PLA2G6: variants seen among roughly 807,000 people sequenced by gnomAD.
PLA2G6 encodes 85/88 kDa calcium-independent phospholipase A2.
In PLA2G6, 62 loss-of-function variants were observed where a neutral mutation model predicts 83.8. The observed-to-expected ratio is 0.74, with a 90% CI of 0.60 to 0.91. PLA2G6 has a LOEUF of 0.91. PLA2G6 is among the 40% of genes least tolerant of loss of function. The pLI is 0.00. For synonymous variants in PLA2G6, 417 were observed against 449.8 expected (o/e 0.93, Z 0.92); for missense variants, 944 against 1,102.0 (o/e 0.86, Z 2.03).
chr22:38,134,612 C>A (rs1311104459), intron 6 of PLA2G6: 3 of 239,654 alleles, frequency 1.3e-5, no homozygotes, highest in African/African-American at 4.5e-5. Context: ...ATATATATAT[C>A]TCCTGTTAGT....
At chr22:38,169,844 C>A (rs924852327) in intron 1 of PLA2G6, among the ~76,000 whole-genome samples, 2 of 152,128 alleles carry the variant, frequency 1.3e-5, no homozygotes, top group Non-Finnish European at 2.9e-5. Flanking sequence ...GCAGTAATGC[C>A]CTGGGCAAAT....
rs564845293 is a variant in PLA2G6, at chr22:38,129,661, G to A, written c.1078-99C>T. 5.1e-5 allele frequency: 43 copies of A among 848,560 alleles called. 1 individual carries two copies. In the East Asian group the frequency reaches 7.0e-4, roughly 14 times the overall value. 52.6% of individuals were successfully genotyped at this position (848,560 alleles called of 1,614,324 possible). A position where few individuals can be genotyped will look rare whatever the true frequency, so the allele number is the denominator to read the frequency against. On this transcript the variant is annotated intron_variant, in intron 7 of 16. Coordinates refer to ENST00000332509, the MANE Select transcript of PLA2G6 (RefSeq NM_003560.4). ...GCCCCAACCTGTCAACTCACCCAGCGGGCCTCTCCTCAGCACGGGGAGACA... is the reference window on the plus strand; with the variant it reads ...GCCCCAACCTGTCAACTCACCCAGCAGGCCTCTCCTCAGCACGGGGAGACA...
chr22:38,135,001 G>A lies in PLA2G6; in HGVS notation c.881C>T (p.Ala294Val). Residue 294 changes from alanine (A) to valine (V), a missense_variant, in exon 6 of 17, where the codon GCC (alanine) becomes GTC (valine). Transcript: ENST00000332509. ...PRYGASPLHW[A>V]KNAEMARMLL... The stretch of plus-strand genomic sequence containing the variant: ...GGATCCACTCACCTCTGCGTTCTTG[G>A]CCCAGTGGAGGGGGCTGGCTCCGTA... 3 of 1,604,342 alleles carry A rather than the reference G, an allele frequency of 1.9e-6. No individual in the cohort carries two copies. The highest frequency in any genetic ancestry group is 2.6e-6 in the Non-Finnish European group (3 of 1,171,938).
chr22:38,151,862 C>T (rs888973134), intron 2 of PLA2G6, among the ~76,000 whole-genome samples: 35 of 152,110 alleles, frequency 2.3e-4, no homozygotes, highest in African/African-American at 7.7e-4. Context: ...GACTTTGCCC[C>T]GCTTGTTGTT....
chr22:38,131,725 C>A, intron 7 of PLA2G6: 1 of 159,174 alleles, frequency 6.3e-6, no homozygotes, highest in Admixed American at 6.1e-5. Flanking sequence ...TTTTAGAGTC[C>A]CGGGGGTCTC....
chr22:38,155,294 C>T (rs2089733591), intron 2 of PLA2G6, among the ~76,000 whole-genome samples: 2 of 150,676 alleles, frequency 1.3e-5, no homozygotes, highest in East Asian at 3.9e-4. Context: ...CTGCTAAATG[C>T]TAAAGGGAGT....
At chr22:38,163,401 C>T (rs565597043) in intron 2 of PLA2G6, 64 of 169,480 alleles carry the variant, frequency 3.8e-4, no homozygotes, top group African/African-American at 1.4e-3. Context: ...TCTAGCCACT[C>T]GGCAGATATT....
At position 38,128,394 on chromosome 22, in the gene PLA2G6, G is replaced by T. The variant is rs1358188064; in HGVS notation, c.1223C>A (p.Thr408Asn). The change falls in exon 9 of 17, where the codon ACC becomes AAC. Residue 408 changes from threonine to asparagine, a missense_variant. Coordinates refer to ENST00000332509, the MANE Select transcript of PLA2G6 (RefSeq NM_003560.4). The surrounding 1 kb of genome is among the most constrained non-coding windows in gnomAD (Gnocchi z 4.4). ...TGGGAAGCAGTATTCGGCCCCCACGGTTCTCAGCAGAGTCAAGATCGCCTT... is the reference window on the plus strand; with the variant it reads ...TGGGAAGCAGTATTCGGCCCCCACGTTTCTCAGCAGAGTCAAGATCGCCTT... ...TRKAILTLLR[T>N]VGAEYCFPPI... The T allele has an allele frequency of 1.2e-6, 2 of 1,614,110 alleles. No individual in the cohort carries two copies. The highest frequency in any genetic ancestry group is 2.2e-5 in the South Asian group (2 of 91,074).
chr22:38,176,188 A>G (rs2090624606), intron 1 of PLA2G6, among the ~76,000 whole-genome samples: 1 of 152,164 alleles, frequency 6.6e-6, no homozygotes, highest in Admixed American at 6.5e-5. Flanking sequence ...TTCGGTCTGG[A>G]AAGTTCAGCT....
Position 38,169,446 on chromosome 22 carries a change from G to A in PLA2G6, c.-20C>T, listed in dbSNP as rs191263821. On this transcript the variant is annotated 5_prime_UTR_variant, in exon 2 of 17. Transcript: ENST00000332509. Reference sequence around the variant, plus strand: ...CTGCATCTTCTGCGGGGCAGGTGGGGAGGCCCCACCGTCTTCCCCCTCTGT... The same window carrying A: ...CTGCATCTTCTGCGGGGCAGGTGGGAAGGCCCCACCGTCTTCCCCCTCTGT... The A allele has an allele frequency of 6.2e-7, 1 of 1,608,390 alleles. No homozygotes were observed. The highest frequency in any genetic ancestry group is 8.5e-7 in the Non-Finnish European group (1 of 1,175,414).
intron 1 of PLA2G6, among the ~76,000 whole-genome samples, chr22:38,177,666 G>A (rs2090690272): frequency 2.0e-5 from 3 of 152,022 alleles, no homozygotes; most frequent in Admixed American, 2.0e-4. Context: ...GTTTCACCAT[G>A]TTAACCAGGC....
intron 5 of PLA2G6, chr22:38,136,790 T>C: frequency 6.8e-6 from 1 of 147,990 alleles, no homozygotes; most frequent in East Asian, 2.0e-4. Flanking sequence ...CCCACATGGG[T>C]TTAATTCCCA....
rs1388418006 is a variant in PLA2G6, at chr22:38,145,478, G to C, written c.385C>G (p.Leu129Val). The C allele has an allele frequency of 2.5e-6, 4 of 1,611,928 alleles. No homozygotes were observed. In the African/African-American group the frequency reaches 5.3e-5, roughly 22 times the overall value. Residue 129 changes from leucine (L) to valine (V), a missense_variant, in exon 3 of 17, where the codon CTA becomes GTA. By Grantham distance (32) the Leu-to-Val change is conservative (BLOSUM62 1). Transcript: ENST00000332509. ...SWSVAHLAVE[L>V]GIRECFHHSR... ...TGATGGAAGCACTCGCGGATCCCTA[G>C]CTCCACAGCCAGGTGGGCCACTGAC...
chr22:38,146,874 G>A (rs538728058), intron 2 of PLA2G6: 2 of 150,204 alleles, frequency 1.3e-5, no homozygotes, highest in African/African-American at 2.5e-5. Flanking sequence ...CCATCTCCCA[G>A]GTTCAAGTGA....
chr22:38,145,107 T>C, intron 3 of PLA2G6: 1 of 351,494 alleles, frequency 2.8e-6, no homozygotes, highest in South Asian at 2.2e-5. Flanking sequence ...AGTGGTGCAA[T>C]CATAGCTCAC....
intron 15 of PLA2G6, chr22:38,112,914 T>C: frequency 4.3e-6 from 2 of 469,134 alleles, no homozygotes. Flanking sequence ...TCTCTTTCTT[T>C]CTTTCTTTTT....
Position 38,132,642 on chromosome 22 carries a change from G to T in PLA2G6, c.1077+189C>A. The T allele has an allele frequency of 6.6e-6, 4 of 607,224 alleles. No individual in the cohort carries two copies. The South Asian group carries it at 7.8e-5, about 12-fold the overall frequency. 37.6% of individuals were successfully genotyped at this position (607,224 alleles called of 1,614,324 possible). On this transcript the variant is annotated intron_variant, in intron 7 of 16. Transcript: ENST00000332509. The surrounding 1 kb of genome is among the most constrained non-coding windows in gnomAD (Gnocchi z 5.0). ...AGCACACAGGAGGTGGTGTTATTTT[G>T]GGCTGAGAGGGGGACTTGGAAGGCT...
At chr22:38,145,380 A>C in intron 3 of PLA2G6, 58 bp downstream of exon 3, 1 of 1,402,620 alleles carries the variant, frequency 7.1e-7, no homozygotes, top group Non-Finnish European at 9.9e-7. Context: ...TGCGGCCCCC[A>C]CTGCCCACAC....
intron 2 of PLA2G6, among the ~76,000 whole-genome samples, chr22:38,161,149 C>T (rs2089992734): frequency 6.6e-6 from 1 of 151,966 alleles, no homozygotes; most frequent in East Asian, 1.9e-4. Context: ...AAAAAAATAA[C>T]CCATTGTATA....
Sources: allele counts gnomAD v4.1 joint callset (sites outside exome capture counted in the v4.1 genomes callset), GRCh38; gene constraint gnomAD v4.1.1; non-coding constraint Gnocchi (gnomAD v3.1); transcripts MANE v1.5; gene names NCBI Gene and HGNC (gene_info 2026-07-23, HGNC 2026-07-21).